NBPF14: variants seen among roughly 807,000 people sequenced by gnomAD.
The protein encoded by NBPF14 is NBPF member 14.
A neutral mutation model predicts 91.2 loss-of-function variants in NBPF14; 104 were observed. The ratio of observed to expected loss-of-function variants is 1.14; its 90% CI spans 0.97 to 1.34. The LOEUF is 1.34. Among genes scored for constraint, NBPF14 ranks in the 40% most tolerant of loss-of-function variants. The probability of loss-of-function intolerance (pLI) is 0.00; values close to 1 mark genes in which losing one functional copy is unlikely to be tolerated. For missense variants in NBPF14, 908 were observed against 783.0 expected, an observed-to-expected ratio of 1.16 and a Z score of -1.91; for synonymous variants, 294 against 303.8, an observed-to-expected ratio of 0.97 and a Z score of 0.34.
rs1662728149 is a variant in NBPF14 at position 148,592,908 on chromosome 1, G to T, written c.279-142C>A. Reference sequence around the variant, plus strand: ...GCACATGTTGAAAGGAATGACTGTGGCCAAGAGAAAGAATAGAAAATGGTC... The same window carrying T: ...GCACATGTTGAAAGGAATGACTGTGTCCAAGAGAAAGAATAGAAAATGGTC... On this transcript the variant is annotated intron_variant, in intron 3 of 70. Transcript: ENST00000619423. 2.0e-5 allele frequency: 13 copies of T among 648,626 alleles called. No individual in the cohort carries two copies. The Admixed American group carries it at 2.7e-4, about 13-fold the overall frequency. 40.2% of individuals were successfully genotyped at this position (648,626 alleles called of 1,614,324 possible).
exon 2 of NBPF14, chr1:148,595,605 A>C: frequency 6.4e-7 from 1 of 1,574,122 alleles, no homozygotes; most frequent in East Asian, 2.2e-5. Flanking sequence ...TTTCTCTTTG[A>C]GGTTTCTGAA....
chr1:148,534,238 T>A (rs1222809907), intron 69 of NBPF14, among the ~76,000 whole-genome samples: 1 of 151,416 alleles, frequency 6.6e-6, no homozygotes, highest in Non-Finnish European at 1.5e-5. Context: ...TACGCCATAT[T>A]TTTCCAATCA....
At chr1:148,535,969 C>T (rs1655114586) in intron 67 of NBPF14, among the ~76,000 whole-genome samples, 1 of 150,720 alleles carries the variant, frequency 6.6e-6, no homozygotes, top group South Asian at 2.1e-4. Flanking sequence ...TCACATCTGC[C>T]CAGATCCAAC....
At chr1:148,533,372 G>T (rs1553273347) in intron 70 of NBPF14, 124 bp from the exon 71 acceptor site, 7 of 543,994 alleles carry the variant, frequency 1.3e-5, no homozygotes, top group Non-Finnish European at 2.3e-5. Flanking sequence ...CCATTAATGA[G>T]GTAAAAAAAA....
chr1:148,542,195 T>C (rs1296029551), intron 59 of NBPF14, among the ~76,000 whole-genome samples: 1 of 86,106 alleles, frequency 1.2e-5, no homozygotes, highest in Non-Finnish European at 1.9e-5. Flanking sequence ...AATACGCAGA[T>C]TGTTCATGGT....
chr1:148,591,337 G>C, intron 5 of NBPF14, 95 bp downstream of exon 5: 1 of 1,452,120 alleles, frequency 6.9e-7, no homozygotes, highest in South Asian at 1.2e-5. Flanking sequence ...AGGGAATGCG[G>C]GCATTTGGCC....
At chr1:148,579,947 G>A (rs1455665269) in intron 12 of NBPF14, among the ~76,000 whole-genome samples, 13 of 152,128 alleles carry the variant, frequency 8.5e-5, no homozygotes, top group East Asian at 7.8e-4. Context: ...TCTGTAGGTC[G>A]CCATCATCAA....
chr1:148,534,558 T>G (rs1412278904), intron 69 of NBPF14, 126 bp downstream of exon 69: 1 of 734,454 alleles, frequency 1.4e-6, no homozygotes, highest in Non-Finnish European at 2.5e-6. Context: ...ACAACCTATA[T>G]GCGCCCATAG....
At chr1:148,557,661 T>A in intron 39 of NBPF14, 119 bp from the exon 40 acceptor site, 1 of 613,262 alleles carries the variant, frequency 1.6e-6, no homozygotes, top group South Asian at 1.7e-5. Context: ...CAGGACCATG[T>A]GAGAGATATA....
At chr1:148,572,580 T>A (rs1314468916) in exon 21 of NBPF14, 4 of 638,564 alleles carry the variant, frequency 6.3e-6, no homozygotes, top group Non-Finnish European at 1.1e-5. Context: ...CTGCAAGACT[T>A]CAGGCTCTTT....
intron 6 of NBPF14, among the ~76,000 whole-genome samples, chr1:148,590,466 C>G (rs1662301422): frequency 8.6e-6 from 1 of 116,240 alleles, no homozygotes; most frequent in South Asian, 3.5e-4. Flanking sequence ...ACCTAAGTCT[C>G]CTGAGCAGTT....
chr1:148,535,558 T>C (rs1236324798), intron 67 of NBPF14, 54 bp from the exon 68 acceptor site: 2 of 295,934 alleles, frequency 6.8e-6, no homozygotes, highest in Non-Finnish European at 1.2e-5. Flanking sequence ...CCTACACACA[T>C]AACAATCCAC....
rs1659282705 is a variant in NBPF14, at chr1:148,572,679, A to C, written c.2586-64T>G. ...AATCAGAAACCACACAGCCCCAGCT[A>C]GATTTCATGGCTAACGTAAGGAAGA... On this transcript the variant is annotated intron_variant, in intron 20 of 70. Coordinates refer to ENST00000619423, the Ensembl canonical transcript of NBPF14. 27 of 681,254 alleles carry C rather than the reference A, an allele frequency of 4.0e-5. 4 individuals are homozygous for C. Among genetic ancestry groups the C allele is most frequent in the South Asian group, 3.7e-4 (25 of 67,428 alleles). 42.2% of individuals were successfully genotyped at this position (681,254 alleles called of 1,614,324 possible).
chr1:148,559,297 C>G (rs1479044230), intron 37 of NBPF14, among the ~76,000 whole-genome samples: 1 of 119,308 alleles, frequency 8.4e-6, no homozygotes, highest in Non-Finnish European at 1.6e-5. Flanking sequence ...AGATCGTTAT[C>G]CCAATATCAT....
In NBPF14 at chr1:148,534,650, T is replaced by C. The variant is rs1297054264; in HGVS notation, c.8614+34A>G. 1.4e-5 allele frequency: 12 copies of C among 857,414 alleles called. No homozygotes were observed. The Admixed American group carries it at 2.1e-4, about 15-fold the overall frequency. The allele number at this position is 857,414 out of a possible 1,614,324, so 53.1% of individuals were successfully genotyped here. On this transcript the variant is annotated intron_variant, in intron 69 of 70. Coordinates refer to ENST00000619423, the Ensembl canonical transcript of NBPF14. ...TATCACCCCTATCTGGAAGACCAGGTGGAGGCTTATCACCTTCATAGTAAG... is the reference window on the plus strand; with the variant it reads ...TATCACCCCTATCTGGAAGACCAGGCGGAGGCTTATCACCTTCATAGTAAG...
rs1553331930 is a variant in NBPF14, at chr1:148,533,989, G to T, written c.8615-20C>A. ...CAATTTCTGCAATAAATTCAGACAT[G>T]GACAGACACATTAAGCTGATTCCCC... On this transcript the variant is annotated intron_variant, in intron 69 of 70. Transcript: ENST00000619423. The T allele has an allele frequency of 1.4e-6, 1 of 696,428 alleles. No individual in the cohort carries two copies. The highest frequency in any genetic ancestry group is 2.6e-6 in the Non-Finnish European group (1 of 383,964). The allele number at this position is 696,428 out of a possible 1,614,324, so 43.1% of individuals were successfully genotyped here. A position where few individuals can be genotyped will look rare whatever the true frequency, so the allele number is the denominator to read the frequency against.
intron 36 of NBPF14, among the ~76,000 whole-genome samples, 190 bp from the exon 37 acceptor site, chr1:148,560,155 CAG>C (rs1276731110): frequency 4.0e-5 from 6 of 150,980 alleles, no homozygotes; most frequent in African/African-American, 1.5e-4. Context: ...AAGAGAAAGA[CAG>C]AGAGAGAGAG....
intron 11 of NBPF14, among the ~76,000 whole-genome samples, chr1:148,584,081 C>T (rs1314937413): frequency 4.6e-5 from 7 of 150,748 alleles, no homozygotes; most frequent in East Asian, 3.9e-4. Context: ...GCCTGGGGAA[C>T]GATATTTCCA....
chr1:148,550,051 G>C (rs1490192375), intron 49 of NBPF14, among the ~76,000 whole-genome samples: 80 of 149,262 alleles, frequency 5.4e-4, no homozygotes, highest in African/African-American at 1.9e-3. Context: ...TTAGAGTGAA[G>C]GATGAAATCT....
Sources: gnomAD v4.1 joint callset for allele counts (sites outside exome capture counted in the v4.1 genomes callset) on GRCh38, gnomAD v4.1.1 for gene constraint, MANE v1.5 for transcripts, NCBI Gene and HGNC (gene_info 2026-07-23, HGNC 2026-07-21) for gene names.